Variants in KIAA1671 observed in about 807,000 individuals in gnomAD.
KIAA1671 encodes KIAA1671, also known as uncharacterized protein KIAA1671.
Under a neutral mutation model 131.2 loss-of-function variants are expected in KIAA1671, and 52 were observed. The observed-to-expected ratio is 0.40, with a 90% CI of 0.32 to 0.50. KIAA1671 has a LOEUF of 0.50. Ranked by LOEUF, KIAA1671 falls within the 20% of genes least tolerant of loss-of-function variation. The pLI is 0.73. For missense variants in KIAA1671, 2,360 were observed against 2,364.2 expected, an observed-to-expected ratio of 1.00 and a Z score of 0.04; for synonymous variants, 1,003 against 961.6, an observed-to-expected ratio of 1.04 and a Z score of -0.80.
intron 9 of KIAA1671, among the ~76,000 whole-genome samples, chr22:25,180,688 G>A (rs4822561): frequency 0.32 from 49,413 of 152,162 alleles, 8,432 homozygotes; most frequent in East Asian, 0.48. Context: ...ACATTAGGAT[G>A]TCAGACCAGG....
intron 6 of KIAA1671, among the ~76,000 whole-genome samples, chr22:25,151,786 A>C (rs1048778584): frequency 2.0e-5 from 3 of 151,780 alleles, no homozygotes; most frequent in Non-Finnish European, 4.4e-5. Flanking sequence ...TTGCCCGGGC[A>C]GGAGTGTGGT....
chr22:25,091,433 A>G (rs368919880), intron 6 of KIAA1671, among the ~76,000 whole-genome samples: 3 of 152,064 alleles, frequency 2.0e-5, no homozygotes, highest in Admixed American at 1.3e-4. Context: ...ATTTTGTTCT[A>G]CCTCTCAGAA....
Position 25,146,342 on chromosome 22 carries a change from G to A in KIAA1671, c.4531-24478G>A, listed in dbSNP as rs1036113481. On this transcript the variant is annotated intron_variant, in intron 6 of 12. Coordinates refer to ENST00000358431, the MANE Select transcript of KIAA1671 (RefSeq NM_001145206.2). ...TCAAGTAGGCTTTGTAGGATAAGTC[G>A]CTCAAACAAATCCCTTACCTGCACT... 5.9e-5 allele frequency among the ~76,000 whole-genome samples: 9 copies of A among 152,134 alleles called. No individual in the cohort carries two copies. In the South Asian group the frequency reaches 6.2e-4, roughly 11 times the overall value.
chr22:25,041,317 G>T lies in KIAA1671; in HGVS notation c.4187G>T (p.Arg1396Leu). ...DSVAQWGDHP[R>L]DCGRVPLDIK... is the part of the protein sequence containing the mutation. ...GTGGCCCAGTGGGGTGACCACCCAC[G>T]TGACTGTGGACGGGTGCCGCTGGAT... Residue 1396 changes from arginine (R) to leucine (L), a missense_variant, in exon 5 of 13, where the codon CGT becomes CTT. Coordinates refer to ENST00000358431, the MANE Select transcript of KIAA1671 (RefSeq NM_001145206.2). 1 of 1,551,732 alleles carries T rather than the reference G, an allele frequency of 6.4e-7. No individual in the cohort carries two copies. Among genetic ancestry groups the T allele is most frequent in the Admixed American group, 2.0e-5 (1 of 51,012 alleles).
At chr22:24,992,378 C>G (rs1923888076) in intron 1 of KIAA1671, among the ~76,000 whole-genome samples, 1 of 152,194 alleles carries the variant, frequency 6.6e-6, no homozygotes, top group Non-Finnish European at 1.5e-5. Flanking sequence ...AATTTTGTCT[C>G]TCTTTGCCAT....
At chr22:25,151,329 TATAA>T (rs768807898) in intron 6 of KIAA1671, among the ~76,000 whole-genome samples, 23 of 148,296 alleles carry the variant, frequency 1.6e-4, no homozygotes, top group Non-Finnish European at 2.2e-4. Flanking sequence ...ATAATAAATA[TATAA>T]ATAAATATAT....
intron 6 of KIAA1671, among the ~76,000 whole-genome samples, chr22:25,103,934 T>A (rs938608254): frequency 1.3e-4 from 20 of 152,174 alleles, no homozygotes; most frequent in African/African-American, 3.4e-4. Flanking sequence ...ACACAGTAAA[T>A]CCTCCATTAG....
At chr22:25,093,750 C>CTCTTTCTCTCTCTCTCTCTG (rs1930188229) in intron 6 of KIAA1671, among the ~76,000 whole-genome samples, 1 of 118,938 alleles carries the variant, frequency 8.4e-6, no homozygotes, top group African/African-American at 3.3e-5. Context: ...CTCTCTCTCT[C>CTCTTTCTCTCTCTCTCTCTG]TCTCTCTCTC....
intron 6 of KIAA1671, among the ~76,000 whole-genome samples, chr22:25,151,671 T>C (rs1421442515): frequency 6.6e-6 from 1 of 152,002 alleles, no homozygotes; most frequent in African/African-American, 2.4e-5. Flanking sequence ...TTTCAAGGGA[T>C]CTTCCCGCCT....
intron 6 of KIAA1671, among the ~76,000 whole-genome samples, chr22:25,156,906 C>A (rs1325487637): frequency 1.3e-5 from 2 of 152,186 alleles, no homozygotes; most frequent in East Asian, 3.8e-4. Context: ...ACACACCCAG[C>A]GCCCTGCCTC....
chr22:24,960,874 CTT>C (rs1010615609), intron 1 of KIAA1671, among the ~76,000 whole-genome samples: 19 of 152,026 alleles, frequency 1.2e-4, no homozygotes, highest in African/African-American at 3.9e-4. Context: ...GAGACAGCCT[CTT>C]TGTATATTTC....
At chr22:25,129,578 G>A (rs567101794) in intron 6 of KIAA1671, among the ~76,000 whole-genome samples, 21 of 149,664 alleles carry the variant, frequency 1.4e-4, no homozygotes, top group African/African-American at 4.6e-4. Flanking sequence ...TCCCAGCTTT[G>A]CAATCTACCA....
rs183906791 is a variant in KIAA1671, at chr22:25,088,815, T to C, written c.4530+39451T>C. Among the ~76,000 whole-genome samples, 728 of 152,266 alleles carry C rather than the reference T, an allele frequency of 4.8e-3. 26 individuals are homozygous for C. Among genetic ancestry groups the C allele is most frequent in the Non-Finnish European group, 9.0e-4 (61 of 68,018 alleles). ...TGTGTCTCCTTTTGAAAATATTCTC[T>C]GCGTACATAAGACAATGTCTGTGCC... is the stretch of plus-strand genomic sequence containing the variant. On this transcript the variant is annotated intron_variant, in intron 6 of 12. Coordinates refer to ENST00000358431, the MANE Select transcript of KIAA1671 (RefSeq NM_001145206.2).
chr22:25,180,307 G>A (rs6004465), intron 9 of KIAA1671, among the ~76,000 whole-genome samples: 49,408 of 152,134 alleles, frequency 0.32, 8,431 homozygotes, highest in East Asian at 0.48. Flanking sequence ...TTGGGAGGCC[G>A]AGGTGGGTGG....
rs1206091593 is a variant in KIAA1671, at chr22:25,040,316, G to A, written c.3186G>A (p.Ser1062=). ...LEHSRKITPP[S]SPHSLTSTLV... ...ATTCTAGAAAAATCACTCCACCCTC[G>A]TCTCCTCATTCTTTAACATCCACTT... The change falls in exon 5 of 13, where the codon TCG becomes TCA. Residue 1062 remains serine (S), a synonymous_variant. Transcript: ENST00000358431. 3.9e-6 allele frequency: 6 copies of A among 1,551,594 alleles called. No homozygotes were observed. Among genetic ancestry groups the A allele is most frequent in the African/African-American group, 1.4e-5 (1 of 73,026 alleles).
chr22:25,040,270 G>A lies in KIAA1671; in HGVS notation c.3140G>A (p.Gly1047Glu). The change falls in exon 5 of 13, where the codon GGA (glycine) becomes GAA (glutamate). Residue 1047 changes from glycine (G) to glutamate (E), a missense_variant. Physicochemically the swap from Gly to Glu is moderately conservative, Grantham distance 98. This residue lies in a region of KIAA1671 where 1,161 missense variants were observed against 1,204.7 expected (regional missense o/e 0.96). Coordinates refer to ENST00000358431, the MANE Select transcript of KIAA1671 (RefSeq NM_001145206.2). ...TQKAKGVVLS[G>E]AESLLEHSRK... ...AAGGCAAAGGGTGTGGTTCTGTCAG[G>A]AGCTGAAAGCTTGCTGGAACATTCT... The A allele has an allele frequency of 3.2e-6, 5 of 1,551,708 alleles. No homozygotes were observed. Among genetic ancestry groups the A allele is most frequent in the African/African-American group, 1.4e-5 (1 of 73,146 alleles).
At chr22:25,115,605 A>G (rs974240391) in intron 6 of KIAA1671, among the ~76,000 whole-genome samples, 2 of 152,080 alleles carry the variant, frequency 1.3e-5, no homozygotes, top group Admixed American at 1.3e-4. Context: ...TCAGACTGTA[A>G]TGTGAGTCCT....
chr22:25,169,294 C>T (rs1933760098), intron 6 of KIAA1671, among the ~76,000 whole-genome samples: 2 of 151,816 alleles, frequency 1.3e-5, no homozygotes, highest in Admixed American at 6.6e-5. Flanking sequence ...TAGTGTATAC[C>T]TATACTCCCA....
At chr22:25,015,372 T>A (rs940008363) in intron 1 of KIAA1671, among the ~76,000 whole-genome samples, 1 of 152,148 alleles carries the variant, frequency 6.6e-6, no homozygotes, top group Non-Finnish European at 1.5e-5. Context: ...TTTGCCAATT[T>A]TGGATCCAGA....
Sources: allele counts gnomAD v4.1 joint callset (sites outside exome capture counted in the v4.1 genomes callset), GRCh38; gene constraint gnomAD v4.1.1; regional missense constraint gnomAD v4.1.1; transcripts MANE v1.5; gene names NCBI Gene and HGNC (gene_info 2026-07-23, HGNC 2026-07-21).